Variants in TNIK observed in about 807,000 individuals in gnomAD.
TNIK encodes the protein TRAF2 and NCK interacting kinase.
Under a neutral mutation model 191.3 loss-of-function variants are expected in TNIK, and 49 were observed. That is an observed-to-expected ratio of 0.26 (90% confidence interval 0.20 to 0.32). The LOEUF is 0.32. Among genes scored for constraint, TNIK ranks in the 10% least tolerant of loss-of-function variants. The pLI is 1.00. For synonymous variants in TNIK, 594 were observed against 600.9 expected (o/e 0.99, Z 0.17); for missense variants, 1,155 against 1,702.3 (o/e 0.68, Z 5.66).
intron 4 of TNIK, among the ~76,000 whole-genome samples, chr3:171,204,937 ACT>A (rs1302688566): frequency 6.6e-6 from 1 of 152,056 alleles, no homozygotes; most frequent in Non-Finnish European, 1.5e-5. Context: ...AAACTTCTGG[ACT>A]CTCTGAGCCT....
intron 4 of TNIK, among the ~76,000 whole-genome samples, chr3:171,199,427 C>T (rs1197064071): frequency 6.6e-6 from 1 of 152,154 alleles, no homozygotes; most frequent in Non-Finnish European, 1.5e-5. Flanking sequence ...TTAAAATTCT[C>T]CCTGAAAGAA....
At chr3:171,257,355 C>T (rs1010673794) in intron 2 of TNIK, among the ~76,000 whole-genome samples, 5 of 152,202 alleles carry the variant, frequency 3.3e-5, no homozygotes, top group African/African-American at 9.7e-5. Flanking sequence ...TCAGCTCTAA[C>T]CCTACCAGAC....
intron 1 of TNIK, among the ~76,000 whole-genome samples, 166 bp downstream of exon 1, chr3:171,459,841 C>A (rs1379423348): frequency 2.7e-4 from 41 of 151,910 alleles, no homozygotes; most frequent in Non-Finnish European, 1.5e-5. Flanking sequence ...GGGGCTCAGC[C>A]AGGAGCACCT....
At chr3:171,213,784 C>G (rs1023105673) in intron 3 of TNIK, among the ~76,000 whole-genome samples, 18 of 152,154 alleles carry the variant, frequency 1.2e-4, no homozygotes, top group Admixed American at 5.9e-4. Context: ...GTTTGGGTAC[C>G]ATTCCTTTCT....
intron 12 of TNIK, among the ~76,000 whole-genome samples, chr3:171,151,467 C>A (rs80302787): frequency 1.3e-5 from 2 of 152,174 alleles, no homozygotes; most frequent in African/African-American, 4.8e-5. Flanking sequence ...ATAACAAGAA[C>A]AACTCATATT....
intron 15 of TNIK, among the ~76,000 whole-genome samples, chr3:171,129,836 GATAA>G (rs1356966557): frequency 6.6e-6 from 1 of 152,190 alleles, no homozygotes; most frequent in African/African-American, 2.4e-5. Flanking sequence ...GAGAAACTTA[GATAA>G]ACAAGGTGCG....
At chr3:171,095,022 A>C (rs762280250) in intron 22 of TNIK, among the ~76,000 whole-genome samples, 15 of 152,220 alleles carry the variant, frequency 9.9e-5, no homozygotes, top group Admixed American at 3.3e-4. Flanking sequence ...TCTACTAAGA[A>C]CATTCTGGCT....
intron 4 of TNIK, among the ~76,000 whole-genome samples, chr3:171,204,133 C>A (rs570400355): frequency 6.6e-6 from 1 of 152,300 alleles, no homozygotes; most frequent in South Asian, 2.1e-4. Context: ...TGATAGGCAG[C>A]AGAATGAGAT....
At chr3:171,361,504 A>G (rs555201326) in intron 2 of TNIK, among the ~76,000 whole-genome samples, 1 of 152,324 alleles carries the variant, frequency 6.6e-6, no homozygotes, top group South Asian at 2.1e-4. Context: ...CATGGTCTTC[A>G]GACAAATTAG....
Position 171,140,501 on chromosome 3 carries a change from C to A in TNIK, c.1230G>T (p.Arg410Ser), listed in dbSNP as rs867452012. 3 of 1,613,320 alleles carry A rather than the reference C, an allele frequency of 1.9e-6. No homozygotes were observed. Among genetic ancestry groups the A allele is most frequent in the African/African-American group, 2.7e-5 (2 of 74,916 alleles). Residue 410 changes from arginine to serine, a missense_variant, in exon 13 of 33, where the codon AGG becomes AGT. This residue lies in a region of TNIK where 735 missense variants were observed against 848.0 expected (regional missense o/e 0.87). Coordinates refer to ENST00000436636, the MANE Select transcript of TNIK (RefSeq NM_015028.4). ...GCTGCTTCCGCAGCTCCTTCTCTCG[C>A]CTTTGTTGCTGTGGGGCAACAAGCA... ...EQRRRLEEQQ[R>S]REKELRKQQE...
At chr3:171,213,127 G>A (rs529808068) in intron 3 of TNIK, among the ~76,000 whole-genome samples, 6 of 152,194 alleles carry the variant, frequency 3.9e-5, no homozygotes, top group African/African-American at 9.6e-5. Context: ...ACTGCAGGTC[G>A]TGAAGAGAAT....
At chr3:171,261,746 G>A (rs1472254119) in intron 2 of TNIK, among the ~76,000 whole-genome samples, 4 of 152,144 alleles carry the variant, frequency 2.6e-5, no homozygotes, top group African/African-American at 9.7e-5. Flanking sequence ...AGCAATGGGC[G>A]AGGCACCCTC....
intron 2 of TNIK, among the ~76,000 whole-genome samples, chr3:171,301,595 G>A (rs756946279): frequency 3.3e-5 from 5 of 152,192 alleles, no homozygotes; most frequent in East Asian, 3.8e-4. Flanking sequence ...GATTACAGGC[G>A]TGAGCCACCA....
intron 28 of TNIK, 116 bp downstream of exon 28, chr3:171,079,402 C>G: frequency 8.2e-7 from 1 of 1,220,580 alleles, no homozygotes; most frequent in South Asian, 2.1e-5. Flanking sequence ...CCAGCAACAT[C>G]TGAAGCTGGT....
chr3:171,096,098 C>T (rs1423688945), intron 22 of TNIK, among the ~76,000 whole-genome samples: 1 of 152,052 alleles, frequency 6.6e-6, no homozygotes, highest in Non-Finnish European at 1.5e-5. Context: ...AAGTACTTAT[C>T]AAGAGTCTTC....
At chr3:171,112,392 G>A (rs1331374995) in intron 18 of TNIK, among the ~76,000 whole-genome samples, 3 of 152,158 alleles carry the variant, frequency 2.0e-5, no homozygotes, top group Admixed American at 6.5e-5. Flanking sequence ...ATGAACTCTT[G>A]TTCATCACAT....
chr3:171,426,767 G>A (rs1050576670), intron 1 of TNIK, among the ~76,000 whole-genome samples: 11 of 151,952 alleles, frequency 7.2e-5, no homozygotes, highest in South Asian at 6.2e-4. Context: ...TTACTTTCCC[G>A]GTAAGGCCAC....
intron 1 of TNIK, among the ~76,000 whole-genome samples, chr3:171,429,523 A>C (rs974334719): frequency 6.6e-6 from 1 of 152,224 alleles, no homozygotes; most frequent in Non-Finnish European, 1.5e-5. Flanking sequence ...TGAAATTCTT[A>C]GATTACCCCA....
chr3:171,346,794 C>T, intron 2 of TNIK: 1 of 168,112 alleles, frequency 5.9e-6, no homozygotes. Flanking sequence ...AAAGAGAAAG[C>T]AGTATGTCTG....
Sources: gnomAD v4.1 joint callset for allele counts (sites outside exome capture counted in the v4.1 genomes callset) on GRCh38, gnomAD v4.1.1 for gene constraint, gnomAD v4.1.1 regional missense constraint, MANE v1.5 for transcripts, NCBI Gene and HGNC (gene_info 2026-07-23, HGNC 2026-07-21) for gene names.